Variants in SYT9 observed in about 807,000 individuals in gnomAD.
SYT9 encodes the protein synaptotagmin-9.
A neutral mutation model predicts 48.4 loss-of-function variants in SYT9; 22 were observed. The ratio of observed to expected loss-of-function variants is 0.45; its 90% confidence interval spans 0.32 to 0.65. The LOEUF is 0.65. Among genes scored for constraint, SYT9 ranks in the 30% least tolerant of loss-of-function variants. SYT9 has a pLI of 0.03. For synonymous variants in SYT9, 265 were observed against 245.0 expected, an observed-to-expected ratio of 1.08 and a Z score of -0.76; for missense variants, 577 against 622.0, an observed-to-expected ratio of 0.93 and a Z score of 0.77.
intron 3 of SYT9, among the ~76,000 whole-genome samples, chr11:7,385,360 G>T (rs1357443374): frequency 6.6e-6 from 1 of 150,582 alleles, no homozygotes; most frequent in East Asian, 2.0e-4. Context: ...GTGTGTGTGT[G>T]TGTGTGTGTG....
At chr11:7,247,748 T>A (rs1847812843), upstream of SYT9, among the ~76,000 whole-genome samples, 1 of 151,270 alleles carries the variant, frequency 6.6e-6, no homozygotes. Context: ...TTGGGTCGGT[T>A]CTGTGTTTTT....
intron 6 of SYT9, among the ~76,000 whole-genome samples, chr11:7,449,322 CAAAAAAAAAAAAAAAA>C (rs759372659): frequency 3.0e-3 from 135 of 44,770 alleles, no homozygotes; most frequent in Non-Finnish European, 5.6e-3. Flanking sequence ...GACTCCACCT[CAAAAAAAAAAAAAAAA>C]AAAAAAAAAA....
At chr11:7,418,394 C>T (rs1018573334) in intron 5 of SYT9, among the ~76,000 whole-genome samples, 3 of 152,206 alleles carry the variant, frequency 2.0e-5, no homozygotes, top group South Asian at 4.1e-4. Flanking sequence ...CCAACCTCCA[C>T]CTCTTCCCCT....
chr11:7,242,882 C>CTAA (rs149408736), intron 1 of SYT9, among the ~76,000 whole-genome samples: 19,487 of 151,924 alleles, frequency 0.13, 1,312 homozygotes, highest in Admixed American at 0.18. Context: ...CCTGTCTCTG[C>CTAA]TAATAATACA....
Position 7,303,296 on chromosome 11 carries a change from G to T in SYT9, c.403G>T (p.Asp135Tyr). 6.2e-7 allele frequency: 1 copy of T among 1,613,996 alleles called. No homozygotes were observed. The highest frequency in any genetic ancestry group is 8.5e-7 in the Non-Finnish European group (1 of 1,180,008). ...SSMKISHTSP[D>Y]IPLSTQTGIQ... Reference sequence around the variant, plus strand: ...CATGAAGATCAGCCACACCTCCCCTGACATTCCCCTCTCCACCCAGACGGG... The same window carrying T: ...CATGAAGATCAGCCACACCTCCCCTTACATTCCCCTCTCCACCCAGACGGG... Residue 135 changes from aspartate (D) to tyrosine (Y), a missense_variant, in exon 2 of 7, where the codon GAC (aspartate) becomes TAC (tyrosine). Coordinates refer to ENST00000318881, the MANE Select transcript of SYT9 (RefSeq NM_175733.4).
At chr11:7,390,436 A>T (rs1351082037) in intron 3 of SYT9, among the ~76,000 whole-genome samples, 2 of 152,162 alleles carry the variant, frequency 1.3e-5, no homozygotes, top group African/African-American at 4.8e-5. Context: ...CATGGTTTTC[A>T]TTTTGGAAGG....
intron 2 of SYT9, among the ~76,000 whole-genome samples, chr11:7,309,333 T>C (rs1468932657): frequency 6.6e-6 from 1 of 152,182 alleles, no homozygotes; most frequent in Non-Finnish European, 1.5e-5. Context: ...CCCACTGTCG[T>C]TGGGGTCCAC....
chr11:7,347,122 A>C (rs1849813793), intron 3 of SYT9, among the ~76,000 whole-genome samples: 1 of 152,222 alleles, frequency 6.6e-6, no homozygotes, highest in African/African-American at 2.4e-5. Flanking sequence ...CCTTCAAAGG[A>C]AGCTTGTCTG....
At chr11:7,417,917 C>T (rs368668170) in intron 4 of SYT9, 40 bp from the exon 5 acceptor site, 273 of 1,592,410 alleles carry the variant, frequency 1.7e-4, no homozygotes, top group South Asian at 1.6e-3. Context: ...TAAATCTATA[C>T]GTATCCTCAC....
At chr11:7,387,147 G>A (rs1006528952) in intron 3 of SYT9, among the ~76,000 whole-genome samples, 2 of 152,108 alleles carry the variant, frequency 1.3e-5, no homozygotes, top group African/African-American at 4.8e-5. Flanking sequence ...AGGGCCTGTT[G>A]TGGGGTGTGG....
chr11:7,319,200 T>TC (rs1849296567), intron 3 of SYT9, among the ~76,000 whole-genome samples: 2 of 136,534 alleles, frequency 1.5e-5, no homozygotes, highest in Non-Finnish European at 3.1e-5. Context: ...TTCTTTTTTT[T>TC]TTTTTTTTTT....
At chr11:7,464,671 T>C (rs1175790615) in intron 6 of SYT9, among the ~76,000 whole-genome samples, 1 of 152,156 alleles carries the variant, frequency 6.6e-6, no homozygotes, top group Admixed American at 6.5e-5. Context: ...CTGTTAACAA[T>C]TTGCTTTCTC....
At chr11:7,405,090 G>C (rs2346831) in intron 3 of SYT9, among the ~76,000 whole-genome samples, 66,635 of 137,868 alleles carry the variant, frequency 0.48, 17,414 homozygotes, top group African/African-American at 0.74. Context: ...ACCTGTCAAG[G>C]TTAAAAAAAA....
chr11:7,335,800 A>G (rs939165560), intron 3 of SYT9, among the ~76,000 whole-genome samples: 2 of 152,174 alleles, frequency 1.3e-5, no homozygotes, highest in Non-Finnish European at 2.9e-5. Flanking sequence ...TAGTGCTGCA[A>G]CGAATATACA....
intron 3 of SYT9, among the ~76,000 whole-genome samples, chr11:7,353,450 A>G (rs1344218925): frequency 6.6e-6 from 1 of 152,160 alleles, no homozygotes; most frequent in East Asian, 1.9e-4. Flanking sequence ...ACACCTTCCC[A>G]TGAACAGCTT....
At chr11:7,414,550 T>C (rs1186232859) in intron 3 of SYT9, among the ~76,000 whole-genome samples, 3 of 152,208 alleles carry the variant, frequency 2.0e-5, no homozygotes, top group Non-Finnish European at 2.9e-5. Flanking sequence ...TCCAGTCGTA[T>C]AGAATTCTAG....
At chr11:7,283,001 T>C (rs778137082) in intron 1 of SYT9, among the ~76,000 whole-genome samples, 9 of 151,460 alleles carry the variant, frequency 5.9e-5, no homozygotes, top group Admixed American at 1.3e-4. Context: ...AGCTTTAATT[T>C]AGAATGGACC....
chr11:7,318,145 T>A (rs1849273829), intron 3 of SYT9, among the ~76,000 whole-genome samples: 2 of 152,216 alleles, frequency 1.3e-5, no homozygotes, highest in Admixed American at 1.3e-4. Context: ...AGCCTATAAT[T>A]TTCTACGTTA....
chr11:7,390,143 C>G (rs192881155), intron 3 of SYT9, among the ~76,000 whole-genome samples: 1 of 152,146 alleles, frequency 6.6e-6, no homozygotes, highest in African/African-American at 2.4e-5. Context: ...CAGCTCCCCA[C>G]CTCCCAACAG....
Sources: allele counts gnomAD v4.1 joint callset (sites outside exome capture counted in the v4.1 genomes callset), GRCh38; gene constraint gnomAD v4.1.1; transcripts MANE v1.5; gene names NCBI Gene and HGNC (gene_info 2026-07-23, HGNC 2026-07-21).